Variants in EYS observed in about 807,000 individuals in gnomAD.
The protein encoded by EYS is EGF-like photoreceptor maintenance factor.
Under a neutral mutation model 282.1 loss-of-function variants are expected in EYS, and 250 were observed. That is an observed-to-expected ratio of 0.89 (90% confidence interval 0.80 to 0.98). The LOEUF is 0.98. Among genes scored for constraint, EYS ranks in the 50% least tolerant of loss-of-function variants. The pLI, the probability that EYS is intolerant of heterozygous loss-of-function variation, is 0.00. For missense variants in EYS, 4,016 were observed against 3,709.0 expected, an observed-to-expected ratio of 1.08 and a Z score of -2.15; for synonymous variants, 1,355 against 1,282.9, an observed-to-expected ratio of 1.06 and a Z score of -1.20.
chr6:65,387,232 T>G (rs1765835464), intron 7 of EYS, among the ~76,000 whole-genome samples: 1 of 151,904 alleles, frequency 6.6e-6, no homozygotes, highest in South Asian at 2.1e-4. Context: ...ACTACTGATT[T>G]TAATGAGAAG....
intron 41 of EYS, among the ~76,000 whole-genome samples, chr6:63,756,692 G>T (rs1769493804): frequency 6.6e-6 from 1 of 152,130 alleles, no homozygotes; most frequent in Admixed American, 6.6e-5. Context: ...GGAGGGACTG[G>T]CTGGAGCCAC....
intron 5 of EYS, among the ~76,000 whole-genome samples, chr6:65,463,650 GTGTT>G (rs1172333135): frequency 6.6e-6 from 1 of 152,128 alleles, no homozygotes. Context: ...ATTGCTTGAT[GTGTT>G]TATTTAAAAA....
chr6:64,809,253 G>C (rs2150013270), intron 22 of EYS, among the ~76,000 whole-genome samples: 1 of 152,060 alleles, frequency 6.6e-6, no homozygotes, highest in African/African-American at 2.4e-5. Context: ...ACAATAAAAA[G>C]ATGAGTTCAG....
intron 11 of EYS, among the ~76,000 whole-genome samples, chr6:65,313,375 G>T (rs1424993370): frequency 5.9e-5 from 9 of 151,728 alleles, no homozygotes; most frequent in Admixed American, 3.9e-4. Context: ...ATGCTTAAAG[G>T]ATCAGCCCCG....
chr6:64,687,330 CAT>C (rs1193619411), intron 22 of EYS, among the ~76,000 whole-genome samples: 3 of 151,856 alleles, frequency 2.0e-5, no homozygotes, highest in Admixed American at 6.6e-5. Context: ...ACAAAAATAA[CAT>C]ATTTGTATTA....
At chr6:64,930,217 A>G (rs1768666578) in intron 15 of EYS, among the ~76,000 whole-genome samples, 1 of 152,120 alleles carries the variant, frequency 6.6e-6, no homozygotes, top group African/African-American at 2.4e-5. Context: ...ATAGATTATA[A>G]TTGTAAAATA....
intron 31 of EYS, among the ~76,000 whole-genome samples, chr6:64,225,773 A>G (rs1266702376): frequency 1.3e-5 from 2 of 152,222 alleles, no homozygotes; most frequent in East Asian, 3.9e-4. Context: ...GTAGTAGTTC[A>G]TAGTGAAGAG....
chr6:65,688,633 G>T (rs935986626), intron 1 of EYS, among the ~76,000 whole-genome samples: 2 of 152,022 alleles, frequency 1.3e-5, no homozygotes, highest in Non-Finnish European at 2.9e-5. Flanking sequence ...ATCTGAAAAA[G>T]GGATAATATC....
chr6:65,601,986 A>T (rs1294249798), intron 2 of EYS, among the ~76,000 whole-genome samples: 1 of 151,948 alleles, frequency 6.6e-6, no homozygotes, highest in Non-Finnish European at 1.5e-5. Flanking sequence ...CTTTATTGTT[A>T]CAGCCTATGT....
At chr6:63,901,409 CAT>C (rs935811271) in intron 35 of EYS, among the ~76,000 whole-genome samples, 1 of 152,162 alleles carries the variant, frequency 6.6e-6, no homozygotes, top group African/African-American at 2.4e-5. Flanking sequence ...TATACAGACA[CAT>C]GTGTAATGCA....
At chr6:64,446,518 T>A (rs534004652) in intron 26 of EYS, among the ~76,000 whole-genome samples, 2 of 151,670 alleles carry the variant, frequency 1.3e-5, no homozygotes, top group Non-Finnish European at 2.9e-5. Flanking sequence ...AAATATATAT[T>A]TTTGAAAGTG....
Position 64,263,604 on chromosome 6 carries a change from A to G in EYS, c.6192-32780T>C, listed in dbSNP as rs75170285. Among the ~76,000 whole-genome samples, 945 of 152,184 alleles carry G rather than the reference A, an allele frequency of 6.2e-3. 11 individuals are homozygous for G. Among genetic ancestry groups the G allele is most frequent in the Non-Finnish European group, 6.6e-3 (449 of 67,990 alleles). On this transcript the variant is annotated intron_variant, in intron 30 of 42. Transcript: ENST00000503581. The stretch of plus-strand genomic sequence containing the variant: ...ATTGTTTCATGAAAGCCATATTGTC[A>G]CTGTTGTTTTTAATTTATCAATATT...
chr6:64,567,582 C>G (rs1765603147), intron 26 of EYS, among the ~76,000 whole-genome samples: 1 of 151,920 alleles, frequency 6.6e-6, no homozygotes. Flanking sequence ...CTTGGTAGCA[C>G]AATATGCTTA....
Position 64,135,447 on chromosome 6 carries a change from G to T in EYS, c.6425-53445C>A, listed in dbSNP as rs140808098. Among the ~76,000 whole-genome samples, 3 of 151,992 alleles carry T rather than the reference G, an allele frequency of 2.0e-5. No individual in the cohort carries two copies. The East Asian group carries it at 5.8e-4, about 29-fold the overall frequency. Reference sequence around the variant, plus strand: ...GATACTTTCAGGGGTGAGTGAGAAGGGATTTAAATAGACACTATAACACTA... The same window carrying T: ...GATACTTTCAGGGGTGAGTGAGAAGTGATTTAAATAGACACTATAACACTA... On this transcript the variant is annotated intron_variant, in intron 31 of 42. Transcript: ENST00000503581.
intron 13 of EYS, among the ~76,000 whole-genome samples, chr6:65,028,312 T>G (rs995529170): frequency 5.3e-5 from 8 of 151,852 alleles, no homozygotes; most frequent in Admixed American, 6.6e-5. Flanking sequence ...ATTATATGCA[T>G]TTCTACAATA....
rs551693574 is a variant in EYS, at chr6:63,726,941, GAC to G, written c.8072-263_8072-262del. 6.4e-4 allele frequency among the ~76,000 whole-genome samples: 98 copies of G among 152,218 alleles called. 1 individual carries two copies. The highest frequency in any genetic ancestry group is 3.4e-3 in the Middle Eastern group (1 of 294). Reference sequence around the variant, plus strand: ...TATGCCTTTTTGGCCGATACTATCTGACACAAATCTTCTGCTCTAGATTGCAT... The same window carrying G: ...TATGCCTTTTTGGCCGATACTATCTGACAAATCTTCTGCTCTAGATTGCAT... On this transcript the variant is annotated intron_variant, in intron 41 of 42. Coordinates refer to ENST00000503581, the MANE Select transcript of EYS (RefSeq NM_001142800.2).
chr6:65,111,903 C>A (rs764886702), intron 12 of EYS, among the ~76,000 whole-genome samples: 1 of 152,112 alleles, frequency 6.6e-6, no homozygotes, highest in Non-Finnish European at 1.5e-5. Context: ...TCCATAGCCA[C>A]AATTTTCATC....
At chr6:64,990,613 C>T (rs1771032335) in intron 14 of EYS, among the ~76,000 whole-genome samples, 1 of 151,562 alleles carries the variant, frequency 6.6e-6, no homozygotes, top group African/African-American at 2.4e-5. Context: ...CTGGAAAGTG[C>T]TGACTTTTGT....
chr6:63,990,319 G>C (rs1270152984), intron 34 of EYS, among the ~76,000 whole-genome samples: 1 of 151,530 alleles, frequency 6.6e-6, no homozygotes, highest in African/African-American at 2.4e-5. Context: ...AGTTAAGAGG[G>C]TCCCACATGT....
Sources: gnomAD v4.1 joint callset for allele counts (sites outside exome capture counted in the v4.1 genomes callset) on GRCh38, gnomAD v4.1.1 for gene constraint, MANE v1.5 for transcripts, NCBI Gene and HGNC (gene_info 2026-07-23, HGNC 2026-07-21) for gene names.